Variants in CCDC57 observed in about 807,000 individuals in gnomAD.
The protein encoded by CCDC57 is coiled-coil domain containing 57.
A neutral mutation model predicts 118.9 loss-of-function variants in CCDC57; 118 were observed. The observed-to-expected ratio is 0.99, with a 90% CI of 0.86 to 1.16. The LOEUF is 1.16. Among genes scored for constraint, CCDC57 ranks in the 50% most tolerant of loss-of-function variants. The probability of loss-of-function intolerance (pLI) is 0.00; values close to 1 mark genes in which losing one functional copy is unlikely to be tolerated. For missense variants in CCDC57, 1,300 were observed against 1,320.7 expected (o/e 0.98, Z 0.24); for synonymous variants, 527 against 532.9 (o/e 0.99, Z 0.15).
Position 82,193,756 on chromosome 17 carries a change from T to G in CCDC57, c.851A>C (p.Lys284Thr), listed in dbSNP as rs199674087. 27 of 1,593,370 alleles carry G rather than the reference T, an allele frequency of 1.7e-5. No individual in the cohort carries two copies. In the African/African-American group the frequency reaches 3.5e-4, roughly 20 times the overall value. The change falls in exon 7 of 20, where the codon AAG (lysine) becomes ACG (threonine). Residue 284 changes from lysine to threonine, a missense_variant and splice_region_variant. By Grantham distance (78) the Lys-to-Thr change is moderately conservative (BLOSUM62 -1). Coordinates refer to ENST00000665763, the Ensembl canonical transcript of CCDC57. ...TGATGTTGGGAGCCGAAACACTCAC[T>G]TCCTCTTAAATGTTTCCTCTTCCTT... is the stretch of plus-strand genomic sequence containing the variant.
chr17:82,206,662 T>C (rs957680747), intron 2 of CCDC57, among the ~76,000 whole-genome samples: 17 of 152,126 alleles, frequency 1.1e-4, no homozygotes, highest in Middle Eastern at 3.2e-3. Flanking sequence ...GTTACACGTA[T>C]GTGTTTCCCT....
chr17:82,197,129 C>T (rs2048407334), intron 4 of CCDC57, among the ~76,000 whole-genome samples: 1 of 149,044 alleles, frequency 6.7e-6, no homozygotes, highest in Non-Finnish European at 1.5e-5. Flanking sequence ...GACTCCTGCA[C>T]CTGCAGAGAC....
exon 8 of CCDC57, chr17:82,188,337 C>G (rs745587264): frequency 1.2e-6 from 2 of 1,609,376 alleles, no homozygotes; most frequent in South Asian, 2.2e-5. Flanking sequence ...GTCTGCAGCT[C>G]CTGCAGCTGC....
At chr17:82,187,236 CAAA>C (rs61100137) in intron 8 of CCDC57, among the ~76,000 whole-genome samples, 1 of 63,026 alleles carries the variant, frequency 1.6e-5, no homozygotes, top group Non-Finnish European at 3.0e-5. Context: ...GACTCCATCT[CAAA>C]AAAAAAAAAA....
At chr17:82,113,146 T>G in intron 19 of CCDC57, 1 of 547,246 alleles carries the variant, frequency 1.8e-6, no homozygotes, top group East Asian at 2.9e-5. Flanking sequence ...AGACATCTAC[T>G]TGACCATCTG....
intron 17 of CCDC57, among the ~76,000 whole-genome samples, chr17:82,132,716 G>A (rs1314929025): frequency 1.3e-5 from 2 of 150,576 alleles, no homozygotes; most frequent in Non-Finnish European, 2.9e-5. Flanking sequence ...ACCACAAATG[G>A]GTAATTTATT....
At chr17:82,140,784 AAGG>A (rs1368594712) in intron 16 of CCDC57, among the ~76,000 whole-genome samples, 4 of 152,146 alleles carry the variant, frequency 2.6e-5, no homozygotes, top group Non-Finnish European at 5.9e-5. Context: ...GAAGCCCTCC[AAGG>A]AGAACCCGGC....
chr17:82,151,454 C>T (rs2042056999), intron 16 of CCDC57, 106 bp downstream of exon 15: 3 of 993,502 alleles, frequency 3.0e-6, no homozygotes, highest in Admixed American at 5.1e-5. Flanking sequence ...ACCTGGTGCA[C>T]CCCCAGAATC....
intron 4 of CCDC57, among the ~76,000 whole-genome samples, chr17:82,196,830 ACCTGCAGAGACGCAGCCCCTCGTGACT>A (rs2048354287): frequency 4.0e-5 from 6 of 149,976 alleles, no homozygotes; most frequent in African/African-American, 1.5e-4. Context: ...TGACTCCTGC[ACCTGCAGAGACGCAGCCCCTCGTGACT>A]CCTGCAGAGA....
exon 16 of CCDC57, chr17:82,151,568 C>A (rs117399102): frequency 6.5e-7 from 1 of 1,550,210 alleles, no homozygotes; most frequent in South Asian, 1.2e-5. Context: ...ACTTTCGGGT[C>A]GGCCCAGCTC....
At chr17:82,161,393 G>A (rs542758842) in intron 14 of CCDC57, among the ~76,000 whole-genome samples, 4 of 152,252 alleles carry the variant, frequency 2.6e-5, no homozygotes, top group South Asian at 4.1e-4. Context: ...GAGCAATTCC[G>A]CTCCCAGGTG....
intron 16 of CCDC57, among the ~76,000 whole-genome samples, chr17:82,140,821 C>T (rs1401217340): frequency 1.3e-5 from 2 of 152,096 alleles, no homozygotes; most frequent in Admixed American, 1.3e-4. Context: ...TGTAGGATGG[C>T]AGGTGCATCT....
chr17:82,194,177 AT>A (rs781665751), intron 5 of CCDC57, 38 bp from the exon 5 acceptor site: 43 of 1,592,356 alleles, frequency 2.7e-5, no homozygotes, highest in Non-Finnish European at 3.4e-5. Context: ...TGAGGTGATA[AT>A]TAGAAGACAC....
chr17:82,169,476 T>C (rs1457762354), intron 13 of CCDC57, among the ~76,000 whole-genome samples: 1 of 152,210 alleles, frequency 6.6e-6, no homozygotes, highest in Non-Finnish European at 1.5e-5. Context: ...GTGTCCTGTC[T>C]GGCCCCTCCC....
chr17:82,184,027 G>GCTCACACACACACACA, intron 8 of CCDC57, 95 bp from the exon 8 acceptor site: 1 of 325,790 alleles, frequency 3.1e-6, no homozygotes, highest in East Asian at 6.9e-5. Flanking sequence ...GCGCGCGCGC[G>GCTCACACACACACACA]CGCGCACACA....
chr17:82,168,392 C>T (rs904984324), intron 13 of CCDC57, among the ~76,000 whole-genome samples: 5 of 152,146 alleles, frequency 3.3e-5, no homozygotes, highest in African/African-American at 1.2e-4. Context: ...GCCAGAAGTT[C>T]GAGACCAGCC....
In CCDC57 at chr17:82,212,309, C is replaced by G. The variant is rs529325549; in HGVS notation, c.-211+476G>C. On this transcript the variant is annotated intron_variant, in intron 1 of 19. Coordinates refer to ENST00000665763, the Ensembl canonical transcript of CCDC57. This position sits in a 1 kb window ranked among gnomAD's most constrained non-coding sequence, Gnocchi z 4.1. ...ATGTTGGCCAGGCTGGTCTCGAACTCCGGGCCTCAAGCAATCTGCCCGCCT... is the reference window on the plus strand; with the variant it reads ...ATGTTGGCCAGGCTGGTCTCGAACTGCGGGCCTCAAGCAATCTGCCCGCCT... Among the ~76,000 whole-genome samples, 2 of 152,028 alleles carry G rather than the reference C, an allele frequency of 1.3e-5. No homozygotes were observed. Among genetic ancestry groups the G allele is most frequent in the East Asian group, 3.9e-4 (2 of 5,174 alleles).
At chr17:82,132,593 GT>G (rs2038550954) in intron 17 of CCDC57, among the ~76,000 whole-genome samples, 1 of 151,984 alleles carries the variant, frequency 6.6e-6, no homozygotes, top group African/African-American at 2.4e-5. Context: ...TTCCTTCTTT[GT>G]TTTTTGGTAG....
chr17:82,127,788 A>T (rs755410467), exon 19 of CCDC57: 91 of 1,612,816 alleles, frequency 5.6e-5, no homozygotes, highest in Admixed American at 6.7e-5. Flanking sequence ...GCAAAGGAGG[A>T]GGAGCTGTGG....
Sources: gnomAD v4.1 joint callset for allele counts (sites outside exome capture counted in the v4.1 genomes callset) on GRCh38, gnomAD v4.1.1 for gene constraint, Gnocchi (gnomAD v3.1) non-coding constraint, MANE v1.5 for transcripts, NCBI Gene and HGNC (gene_info 2026-07-23, HGNC 2026-07-21) for gene names.